The following RGL1 variants were observed in gnomAD, a reference collection of about 807,000 sequenced individuals.
RGL1 encodes the protein ral guanine nucleotide dissociation stimulator like 1.
Under a neutral mutation model 95.2 loss-of-function variants are expected in RGL1, and 24 were observed. The observed-to-expected ratio is 0.25, with a 90% CI of 0.18 to 0.35. RGL1 has a LOEUF of 0.35. RGL1 is among the 10% of genes least tolerant of loss of function. RGL1 has a pLI of 1.00. For missense variants in RGL1, 715 were observed against 936.3 expected (o/e 0.76, Z 3.08); for synonymous variants, 329 against 344.9 (o/e 0.95, Z 0.51).
chr1:183,902,287 C>T (rs1222311566), intron 11 of RGL1, among the ~76,000 whole-genome samples: 1 of 152,160 alleles, frequency 6.6e-6, no homozygotes, highest in Non-Finnish European at 1.5e-5. Flanking sequence ...TTTACTGGTT[C>T]TGCAAGTGTC....
At chr1:183,794,451 A>G (rs1660596298) in intron 2 of RGL1, among the ~76,000 whole-genome samples, 1 of 152,258 alleles carries the variant, frequency 6.6e-6, no homozygotes, top group Non-Finnish European at 1.5e-5. Flanking sequence ...CCCAACACAA[A>G]TAAATGTTAA....
Position 183,805,280 on chromosome 1 carries a change from C to G in RGL1, c.-18C>G. 6.2e-7 allele frequency: 1 copy of G among 1,611,412 alleles called. No homozygotes were observed. ...GGGCGCATCATGCAGCGTTCGCGCA[C>G]CGGAGAGAAAACTGAGAATGAAATT... On this transcript the variant is annotated 5_prime_UTR_variant, in exon 1 of 18. Coordinates refer to ENST00000360851, the MANE Select transcript of RGL1 (RefSeq NM_001297671.3).
chr1:183,805,115 C>G (rs865899395), upstream of RGL1: 1 of 654,742 alleles, frequency 1.5e-6, no homozygotes, highest in African/African-American at 1.9e-5. Flanking sequence ...CGCCGCGCTC[C>G]CTTTGTGGCC....
chr1:183,786,613 G>A (rs1660193399), intron 2 of RGL1, among the ~76,000 whole-genome samples: 1 of 152,134 alleles, frequency 6.6e-6, no homozygotes, highest in Non-Finnish European at 1.5e-5. Flanking sequence ...CCAGAATAGG[G>A]ATGCTCAATC....
intron 2 of RGL1, among the ~76,000 whole-genome samples, chr1:183,761,208 G>T (rs1658649689): frequency 6.6e-6 from 1 of 152,084 alleles, no homozygotes; most frequent in Non-Finnish European, 1.5e-5. Flanking sequence ...TACTTTCCTA[G>T]ATCCATCAGA....
Position 183,856,637 on chromosome 1 carries a change from T to TA in RGL1, c.347+8863_347+8864insA, listed in dbSNP as rs1416141777. ...TTCTCCCTGTAAATATATATATATT[T>TA]TTATATATATATATATGTTAAGGTG... On this transcript the variant is annotated intron_variant, in intron 3 of 17. Coordinates refer to ENST00000360851, the MANE Select transcript of RGL1 (RefSeq NM_001297671.3). 9.3e-4 allele frequency among the ~76,000 whole-genome samples: 139 copies of TA among 148,830 alleles called. 1 individual carries two copies. In the East Asian group the frequency reaches 0.019, roughly 21 times the overall value.
intron 2 of RGL1, among the ~76,000 whole-genome samples, chr1:183,824,007 C>T (rs192136324): frequency 1.7e-4 from 26 of 151,932 alleles, no homozygotes; most frequent in Admixed American, 1.0e-3. Flanking sequence ...AGGCTCATCT[C>T]GAACTCCTGG....
intron 2 of RGL1, among the ~76,000 whole-genome samples, chr1:183,815,516 G>T (rs974890430): frequency 1.3e-5 from 2 of 152,126 alleles, no homozygotes; most frequent in Admixed American, 1.3e-4. Flanking sequence ...GCTCAGTTGG[G>T]GACTTCGTAG....
chr1:183,693,021 C>G (rs1654047789), intron 1 of RGL1, among the ~76,000 whole-genome samples: 2 of 151,318 alleles, frequency 1.3e-5, no homozygotes, highest in Admixed American at 1.3e-4. Flanking sequence ...GTGGCACGAT[C>G]TCAGCTCACT....
rs188240350 is a variant in RGL1 at position 183,868,817 on chromosome 1, C to A, written c.425+2744C>A. On this transcript the variant is annotated intron_variant, in intron 4 of 17. Transcript: ENST00000360851. ...TGAACACTCTGAGGAGAGTCACAAT[C>A]AAAAATATCCAGAGCTGGCCGGGCG... Among the ~76,000 whole-genome samples the A allele has an allele frequency of 1.5e-4, 23 of 152,276 alleles. No individual in the cohort carries two copies. In the East Asian group the frequency reaches 3.5e-3, roughly 23 times the overall value.
At chr1:183,638,924 C>T (rs1306219925) in intron 1 of RGL1, among the ~76,000 whole-genome samples, 1 of 152,144 alleles carries the variant, frequency 6.6e-6, no homozygotes, top group Non-Finnish European at 1.5e-5. Context: ...ACATTTTAAA[C>T]CAAGGATTCT....
At chr1:183,851,058 T>C (rs1558248552) in intron 3 of RGL1, among the ~76,000 whole-genome samples, 1 of 152,226 alleles carries the variant, frequency 6.6e-6, no homozygotes, top group Non-Finnish European at 1.5e-5. Context: ...CTTTGTTCTA[T>C]TATAGAGGAT....
intron 9 of RGL1, among the ~76,000 whole-genome samples, chr1:183,895,318 T>C (rs544714074): frequency 4.6e-5 from 7 of 152,088 alleles, no homozygotes; most frequent in African/African-American, 1.4e-4. Flanking sequence ...ACAGCATGGA[T>C]GAGGGTAGCT....
intron 1 of RGL1, among the ~76,000 whole-genome samples, chr1:183,673,244 G>C (rs1652590027): frequency 6.6e-6 from 1 of 152,180 alleles, no homozygotes; most frequent in South Asian, 2.1e-4. Flanking sequence ...GGCACTGTGA[G>C]TGTGTTTTCA....
intron 1 of RGL1, among the ~76,000 whole-genome samples, chr1:183,663,084 C>T (rs1204400506): frequency 1.3e-4 from 19 of 151,144 alleles, no homozygotes; most frequent in Non-Finnish European, 8.9e-5. Flanking sequence ...AAGACTTAAA[C>T]GTTAGACCTA....
chr1:183,923,567 C>T (rs1436420027), intron 17 of RGL1, among the ~76,000 whole-genome samples: 1 of 152,174 alleles, frequency 6.6e-6, no homozygotes, highest in African/African-American at 2.4e-5. Flanking sequence ...AGCCAGGACC[C>T]AGTGTTGCCC....
intron 16 of RGL1, among the ~76,000 whole-genome samples, chr1:183,917,021 G>A (rs1170711746): frequency 4.6e-5 from 7 of 152,282 alleles, no homozygotes; most frequent in Admixed American, 4.6e-4. Context: ...TTGGGTGACA[G>A]TGTAAATGTG....
At chr1:183,743,068 G>A (rs968617465) in intron 2 of RGL1, among the ~76,000 whole-genome samples, 3 of 152,180 alleles carry the variant, frequency 2.0e-5, no homozygotes, top group African/African-American at 4.8e-5. Context: ...CTAGAGTGCA[G>A]TGGCACAGTC....
chr1:183,832,692 C>T (rs1274117801), intron 2 of RGL1, among the ~76,000 whole-genome samples: 1 of 152,142 alleles, frequency 6.6e-6, no homozygotes, highest in African/African-American at 2.4e-5. Flanking sequence ...GCTTTTCTGC[C>T]TCTTAGCTGT....
Sources: gnomAD v4.1 joint callset for allele counts (sites outside exome capture counted in the v4.1 genomes callset) on GRCh38, gnomAD v4.1.1 for gene constraint, MANE v1.5 for transcripts, NCBI Gene and HGNC (gene_info 2026-07-23, HGNC 2026-07-21) for gene names.